The following RAB20 variants were observed in gnomAD, a reference collection of about 807,000 sequenced individuals.
RAB20 encodes the protein RAB20, member RAS oncogene family.
RAB20 carries 2 observed loss-of-function variants against 3.7 expected under a neutral mutation model. The observed-to-expected ratio is 0.54, with a 90% CI of 0.22 to 1.69. The LOEUF is 1.69. Among genes scored for constraint, RAB20 ranks in the 40% most tolerant of loss-of-function variants. RAB20 has a pLI of 0.19. For synonymous variants in RAB20, 126 were observed against 130.8 expected (o/e 0.96, Z 0.25); for missense variants, 276 against 311.9 (o/e 0.88, Z 0.87).
chr13:110,561,359 C>T lies in RAB20; in HGVS notation c.161G>A (p.Trp54Ter). The T allele has an allele frequency of 6.2e-7, 1 of 1,605,670 alleles. No individual in the cohort carries two copies. Among genetic ancestry groups the T allele is most frequent in the South Asian group, 1.1e-5 (1 of 90,480 alleles). The part of the protein sequence containing the change: ...KQWRSYNISI[W>*]DTAGREQFHG... ...GGCGCCGGCCTCACCTGCGGTGTCC[C>T]AGATGGAGATGTTGTAGGAGCGCCA... The change falls in exon 1 of 2, where the codon TGG becomes TAG. Residue 54 changes from tryptophan (W) to a stop codon, truncating the protein, a stop_gained. Transcript: ENST00000267328. LOFTEE classifies it low-confidence loss of function (END_TRUNC).
chr13:110,530,101 G>T (rs1884505511), intron 1 of RAB20, among the ~76,000 whole-genome samples: 3 of 151,980 alleles, frequency 2.0e-5, no homozygotes, highest in Admixed American at 6.6e-5. Context: ...TGCAGACAGG[G>T]CCCTGGGGAG....
chr13:110,554,654 G>C (rs1885009523), intron 1 of RAB20, among the ~76,000 whole-genome samples: 1 of 152,210 alleles, frequency 6.6e-6, no homozygotes, highest in Admixed American at 6.5e-5. Flanking sequence ...CCTCTCCTGG[G>C]CTGCACTGCA....
In RAB20 at chr13:110,524,049, G is replaced by C. The variant is rs1174244400; in HGVS notation, c.321C>G (p.Leu107=). 1.2e-6 allele frequency: 2 copies of C among 1,614,116 alleles called. No individual in the cohort carries two copies. Among genetic ancestry groups the C allele is most frequent in the Admixed American group, 1.7e-5 (1 of 60,026 alleles). The change falls in exon 2 of 2, where the codon CTC becomes CTG. Residue 107 remains leucine (L), a synonymous_variant. Transcript: ENST00000267328. ...CCACTTTGTTCCCCACGATGGCAAA[G>C]AGGCAGTCTTTGCTGGCTGTGTCTG... ...GLTDTASKDC[L]FAIVGNKVDL...
At chr13:110,560,528 C>T (rs1420261630) in intron 1 of RAB20, among the ~76,000 whole-genome samples, 2 of 152,120 alleles carry the variant, frequency 1.3e-5, no homozygotes, top group Non-Finnish European at 2.9e-5. Flanking sequence ...TCTAAAAACT[C>T]ACACTCATTG....
At position 110,524,034 on chromosome 13, in the gene RAB20, C is replaced by T. The variant is rs750922252; in HGVS notation, c.336G>A (p.Gly112=). 2 of 1,614,150 alleles carry T rather than the reference C, an allele frequency of 1.2e-6. No homozygotes were observed. The part of the protein sequence containing the change: ...ASKDCLFAIV[G]NKVDLTEEGA... ...CCTCCTCAGTGAGGTCCACTTTGTT[C>T]CCCACGATGGCAAAGAGGCAGTCTT... is the stretch of plus-strand genomic sequence containing the variant. The change falls in exon 2 of 2, where the codon GGG becomes GGA. Residue 112 remains glycine (G), a synonymous_variant. Coordinates refer to ENST00000267328, the MANE Select transcript of RAB20 (RefSeq NM_017817.3).
At chr13:110,553,247 T>A (rs1884986695) in intron 1 of RAB20, among the ~76,000 whole-genome samples, 1 of 152,182 alleles carries the variant, frequency 6.6e-6, no homozygotes. Context: ...TCCAAGATCT[T>A]TTGTTCAGTA....
intron 1 of RAB20, among the ~76,000 whole-genome samples, chr13:110,549,100 G>A (rs778634061): frequency 2.0e-5 from 3 of 152,238 alleles, no homozygotes; most frequent in Non-Finnish European, 4.4e-5. Context: ...AGAGGCTTAA[G>A]ACCAGTGTGC....
chr13:110,556,161 T>C (rs901737246), intron 1 of RAB20, among the ~76,000 whole-genome samples: 5 of 152,146 alleles, frequency 3.3e-5, no homozygotes, highest in African/African-American at 1.2e-4. Flanking sequence ...TGCCCTGATC[T>C]CCAGAACCTG....
chr13:110,556,401 G>C lies in RAB20; in HGVS notation c.172+4947C>G, dbSNP rs575209283. Among the ~76,000 whole-genome samples, 188 of 152,326 alleles carry C rather than the reference G, an allele frequency of 1.2e-3. 2 individuals are homozygous for C. Among genetic ancestry groups the C allele is most frequent in the African/African-American group, 3.9e-3 (163 of 41,582 alleles). On this transcript the variant is annotated intron_variant, in intron 1 of 1. Transcript: ENST00000267328. ...GGCTCCAGAAGCTAGGAAAGTCTAA[G>C]AAACAGGTTCCTCCCTTCAGCCTCC...
chr13:110,553,653 G>A (rs1884993829), intron 1 of RAB20, among the ~76,000 whole-genome samples: 1 of 152,212 alleles, frequency 6.6e-6, no homozygotes, highest in Non-Finnish European at 1.5e-5. Flanking sequence ...GCAGGCCTGC[G>A]TCAGGCCCCA....
In RAB20 at chr13:110,526,118, TC is replaced by T. The variant is rs1339283566; in HGVS notation, c.173-1922del. 2.6e-5 allele frequency among the ~76,000 whole-genome samples: 4 copies of T among 152,230 alleles called. No homozygotes were observed. The East Asian group carries it at 7.7e-4, about 29-fold the overall frequency. On this transcript the variant is annotated intron_variant, in intron 1 of 1. Coordinates refer to ENST00000267328, the MANE Select transcript of RAB20 (RefSeq NM_017817.3). ...ATAGCACCTGCTGCAGGCCAGCTCATCCCCTCCTCCCTGGGGCATGTGTGGC... is the reference window on the plus strand; with the variant it reads ...ATAGCACCTGCTGCAGGCCAGCTCATCCCTCCTCCCTGGGGCATGTGTGGC...
chr13:110,541,750 T>C (rs1003735723), intron 1 of RAB20, among the ~76,000 whole-genome samples: 1 of 151,994 alleles, frequency 6.6e-6, no homozygotes, highest in East Asian at 1.9e-4. Flanking sequence ...TCAGTGTTCC[T>C]TCCAGGGACT....
At position 110,529,128 on chromosome 13, in the gene RAB20, G is replaced by A. The variant is rs1442985505; in HGVS notation, c.173-4931C>T. 3.9e-5 allele frequency among the ~76,000 whole-genome samples: 6 copies of A among 152,318 alleles called. 1 individual carries two copies. The South Asian group carries it at 6.2e-4, about 16-fold the overall frequency. ...TTTGAGTAGGGGCTCTGGTATGTAA[G>A]GCATGAGAGTGAACATAAGACAATG... On this transcript the variant is annotated intron_variant, in intron 1 of 1. Transcript: ENST00000267328.
intron 1 of RAB20, among the ~76,000 whole-genome samples, chr13:110,524,622 G>A (rs948146467): frequency 1.3e-5 from 2 of 152,192 alleles, no homozygotes; most frequent in Admixed American, 6.5e-5. Context: ...TGCAGACTCC[G>A]GAAGCAAAGT....
At position 110,561,719 on chromosome 13, in the gene RAB20, G is replaced by C; in HGVS notation, c.-200C>G. On this transcript the variant is annotated 5_prime_UTR_variant, in exon 1 of 2. Transcript: ENST00000267328. ...CGCGCCCGGGAAGGAGCTGGGTGCA[G>C]AGCACGGAGCCCACGTCGGGGGCCC... is the stretch of plus-strand genomic sequence containing the variant. The C allele has an allele frequency of 1.1e-6, 1 of 892,352 alleles. No homozygotes were observed. The highest frequency in any genetic ancestry group is 1.5e-6 in the Non-Finnish European group (1 of 676,392). The allele number at this position is 892,352 out of a possible 1,614,324, so 55.3% of individuals were successfully genotyped here. A position where few individuals can be genotyped will look rare whatever the true frequency, so the allele number is the denominator to read the frequency against.
chr13:110,526,074 G>A (rs1320094647), intron 1 of RAB20, among the ~76,000 whole-genome samples: 1 of 152,256 alleles, frequency 6.6e-6, no homozygotes, highest in Non-Finnish European at 1.5e-5. Flanking sequence ...AGCCTCTGCA[G>A]ACAGGCCTGG....
chr13:110,561,559 C>G lies in RAB20; in HGVS notation c.-40G>C. 2.0e-6 allele frequency: 3 copies of G among 1,507,568 alleles called. No individual in the cohort carries two copies. The highest frequency in any genetic ancestry group is 2.7e-6 in the Non-Finnish European group (3 of 1,130,760). 93.4% of individuals were successfully genotyped at this position (1,507,568 alleles called of 1,614,324 possible). On this transcript the variant is annotated 5_prime_UTR_variant, in exon 1 of 2. Transcript: ENST00000267328. Reference sequence around the variant, plus strand: ...CCCCAGCGCCCCCGCGCCCTCTCCCCGAGGCTGGCCGGCTCGTGCGCCCTG... The same window carrying G: ...CCCCAGCGCCCCCGCGCCCTCTCCCGGAGGCTGGCCGGCTCGTGCGCCCTG...
At chr13:110,559,501 C>T (rs1885097281) in intron 1 of RAB20, among the ~76,000 whole-genome samples, 1 of 152,196 alleles carries the variant, frequency 6.6e-6, no homozygotes, top group South Asian at 2.1e-4. Context: ...ACCGAGGAGG[C>T]AGGCAAGGGT....
At chr13:110,532,731 T>C (rs961447035) in intron 1 of RAB20, among the ~76,000 whole-genome samples, 1 of 152,168 alleles carries the variant, frequency 6.6e-6, no homozygotes, top group Admixed American at 6.5e-5. Context: ...CAGGCTGAAG[T>C]GCAGTGGTAC....
Sources: allele counts gnomAD v4.1 joint callset (sites outside exome capture counted in the v4.1 genomes callset), GRCh38; gene constraint gnomAD v4.1.1; transcripts MANE v1.5; gene names NCBI Gene and HGNC (gene_info 2026-07-23, HGNC 2026-07-21).